The following PTPN21 variants were observed in gnomAD, a reference collection of about 807,000 sequenced individuals.
PTPN21 encodes the protein protein tyrosine phosphatase non-receptor type 21, also known as tyrosine-protein phosphatase non-receptor type 21.
PTPN21 carries 77 observed loss-of-function variants against 131.8 expected under a neutral mutation model. The observed-to-expected ratio is 0.58, with a 90% CI of 0.49 to 0.71. The LOEUF (loss-of-function observed/expected upper bound fraction) is 0.71. Ranked by LOEUF, PTPN21 falls within the 30% of genes least tolerant of loss-of-function variation. PTPN21 has a pLI of 0.00. For synonymous variants in PTPN21, 715 were observed against 621.3 expected (o/e 1.15, Z -2.24); for missense variants, 1,552 against 1,527.1 (o/e 1.02, Z -0.27).
Position 88,550,509 on chromosome 14 carries a change from CGGATG to C in PTPN21, c.-97_-93del, listed in dbSNP as rs2078849814. The C allele has an allele frequency of 7.9e-7, 1 of 1,270,062 alleles. No individual in the cohort carries two copies. The highest frequency in any genetic ancestry group is 1.1e-6 in the Non-Finnish European group (1 of 917,718). The allele number at this position is 1,270,062 out of a possible 1,614,324, so 78.7% of individuals were successfully genotyped here. A position where few individuals can be genotyped will look rare whatever the true frequency, so the allele number is the denominator to read the frequency against. On this transcript the variant is annotated 5_prime_UTR_variant, in exon 2 of 19. Coordinates refer to ENST00000556564, the MANE Select transcript of PTPN21 (RefSeq NM_007039.4). ...GACGCCAGGAGAAAGCGATCCTCTC[CGGATG>C]GGACGAACACTGTCCGGCCTCCAGC... is the stretch of plus-strand genomic sequence containing the variant.
intron 2 of PTPN21, among the ~76,000 whole-genome samples, chr14:88,538,204 G>T (rs958555063): frequency 3.3e-5 from 5 of 152,144 alleles, no homozygotes; most frequent in African/African-American, 7.2e-5. Flanking sequence ...TTATTCTTCA[G>T]TCACAGCCTG....
chr14:88,536,875 G>A (rs1006394054), intron 2 of PTPN21, among the ~76,000 whole-genome samples: 1 of 152,156 alleles, frequency 6.6e-6, no homozygotes, highest in Non-Finnish European at 1.5e-5. Context: ...CCCGGGAAGA[G>A]ATCATCTAAC....
chr14:88,508,625 T>TA (rs1185788340), intron 3 of PTPN21, among the ~76,000 whole-genome samples: 2 of 152,220 alleles, frequency 1.3e-5, no homozygotes, highest in Admixed American at 6.5e-5. Context: ...AATTTCTTTT[T>TA]AGTTGGAGAA....
intron 2 of PTPN21, among the ~76,000 whole-genome samples, chr14:88,541,682 T>C (rs1436033582): frequency 2.0e-5 from 3 of 152,086 alleles, no homozygotes; most frequent in Non-Finnish European, 4.4e-5. Flanking sequence ...CACTGAGCAA[T>C]GAATGGCCCT....
intron 3 of PTPN21, chr14:88,515,393 G>T (rs924299768): frequency 1.3e-5 from 2 of 152,084 alleles, no homozygotes; most frequent in Non-Finnish European, 2.9e-5. Flanking sequence ...TCCTAAACTG[G>T]TGTCCTGCCT....
At position 88,540,353 on chromosome 14, in the gene PTPN21, T is replaced by C. The variant is rs190725799; in HGVS notation, c.180+9885A>G. Among the ~76,000 whole-genome samples, 23 of 152,318 alleles carry C rather than the reference T, an allele frequency of 1.5e-4. No homozygotes were observed. The East Asian group carries it at 2.7e-3, about 18-fold the overall frequency. ...TATGTAAAGCAACTAGCACAGGGCATGGAATATGGTCAGTACCCAATGCAG... is the reference window on the plus strand; with the variant it reads ...TATGTAAAGCAACTAGCACAGGGCACGGAATATGGTCAGTACCCAATGCAG... On this transcript the variant is annotated intron_variant, in intron 2 of 18. Coordinates refer to ENST00000556564, the MANE Select transcript of PTPN21 (RefSeq NM_007039.4).
intron 2 of PTPN21, among the ~76,000 whole-genome samples, chr14:88,529,024 G>C (rs1474837304): frequency 6.6e-6 from 1 of 152,184 alleles, no homozygotes; most frequent in African/African-American, 2.4e-5. Context: ...TTGAAGAGAA[G>C]TGGTGAAAGT....
rs114124389 is a variant in PTPN21, at chr14:88,486,622, T to C, written c.933-780A>G. ...CACAAGACTTGGTTCAGTGAGCCGA[T>C]GGTAAACCCATTTACCTTTCTTTGC... On this transcript the variant is annotated intron_variant, in intron 10 of 18. Transcript: ENST00000556564. Among the ~76,000 whole-genome samples, 738 of 152,296 alleles carry C rather than the reference T, an allele frequency of 4.8e-3. 4 individuals are homozygous for C. Among genetic ancestry groups the C allele is most frequent in the African/African-American group, 0.016 (673 of 41,544 alleles).
intron 10 of PTPN21, chr14:88,492,948 A>AT (rs1215196386): frequency 2.6e-6 from 1 of 378,488 alleles, no homozygotes; most frequent in Admixed American, 3.3e-5. Flanking sequence ...AGAGAGACAG[A>AT]TCAAATGAAA....
intron 3 of PTPN21, 21 bp from the exon 4 acceptor site, chr14:88,508,041 A>G (rs1274762731): frequency 3.7e-6 from 5 of 1,347,602 alleles, no homozygotes; most frequent in Non-Finnish European, 5.3e-6. Context: ...TGTCAGTTGT[A>G]TAAGGTCAAT....
At chr14:88,487,965 C>CAAAAAAAAAAAA (rs535857551) in intron 10 of PTPN21, among the ~76,000 whole-genome samples, 1 of 92,520 alleles carries the variant, frequency 1.1e-5, no homozygotes, top group South Asian at 3.5e-4. Context: ...GACTCCATCT[C>CAAAAAAAAAAAA]AAAAAAAAAA....
intron 14 of PTPN21, among the ~76,000 whole-genome samples, 158 bp downstream of exon 14, chr14:88,473,507 C>T (rs1370582824): frequency 6.6e-6 from 1 of 152,174 alleles, no homozygotes; most frequent in African/African-American, 2.4e-5. Context: ...ATTAGCTATA[C>T]ATTTGCCCCA....
At chr14:88,550,993 G>T (rs1039582525) in intron 1 of PTPN21, among the ~76,000 whole-genome samples, 5 of 152,142 alleles carry the variant, frequency 3.3e-5, no homozygotes, top group African/African-American at 1.2e-4. Flanking sequence ...AAATGTCAGA[G>T]TTCTTTAGTC....
At chr14:88,530,007 A>C (rs2078532739) in intron 2 of PTPN21, among the ~76,000 whole-genome samples, 2 of 151,912 alleles carry the variant, frequency 1.3e-5, no homozygotes, top group South Asian at 4.2e-4. Context: ...GAAAAAGAAG[A>C]ATCTTAGGAG....
chr14:88,489,397 T>C (rs11847807), intron 10 of PTPN21, among the ~76,000 whole-genome samples: 8,197 of 152,114 alleles, frequency 0.054, 260 homozygotes, highest in African/African-American at 0.09. Flanking sequence ...CCCAGGTACT[T>C]AGGAGGCTGA....
chr14:88,541,337 T>C (rs1272982236), intron 2 of PTPN21, among the ~76,000 whole-genome samples: 2 of 152,224 alleles, frequency 1.3e-5, no homozygotes, highest in African/African-American at 2.4e-5. Context: ...AACAAATTGC[T>C]CAGAGAACTG....
rs2077412463 is a variant in PTPN21, at chr14:88,469,081, G to A, written c.3236-5C>T. On this transcript the variant is annotated splice_polypyrimidine_tract_variant and splice_region_variant and intron_variant, in intron 17 of 18. Coordinates refer to ENST00000556564, the MANE Select transcript of PTPN21 (RefSeq NM_007039.4). This position sits in a 1 kb window ranked among gnomAD's most constrained non-coding sequence, Gnocchi z 4.3. Reference sequence around the variant, plus strand: ...ACTGGATCTCTTCAAGATATGCTGTGGAAAATCAATGAAATAGAAAAGTAC... The same window carrying A: ...ACTGGATCTCTTCAAGATATGCTGTAGAAAATCAATGAAATAGAAAAGTAC... The A allele has an allele frequency of 6.2e-7, 1 of 1,603,252 alleles. No individual in the cohort carries two copies. The highest frequency in any genetic ancestry group is 8.5e-7 in the Non-Finnish European group (1 of 1,172,302).
At position 88,504,496 on chromosome 14, in the gene PTPN21, C is replaced by T. The variant is rs2078058524; in HGVS notation, c.517-1G>A. 6.2e-7 allele frequency: 1 copy of T among 1,611,336 alleles called. No homozygotes were observed. Among genetic ancestry groups the T allele is most frequent in the African/African-American group, 1.3e-5 (1 of 74,844 alleles). On this transcript the variant is annotated splice_acceptor_variant, in intron 5 of 18. Coordinates refer to ENST00000556564, the MANE Select transcript of PTPN21 (RefSeq NM_007039.4). LOFTEE classifies it high-confidence loss of function. ...ATACTTTTTCATCTTGTAACCATCCCTGAAGAAAACACACAGTGGTAAGTA... is the reference window on the plus strand; with the variant it reads ...ATACTTTTTCATCTTGTAACCATCCTTGAAGAAAACACACAGTGGTAAGTA...
Position 88,469,399 on chromosome 14 carries a change from A to T in PTPN21, c.3235+100T>A. 1 of 1,062,154 alleles carries T rather than the reference A, an allele frequency of 9.4e-7. No homozygotes were observed. Among genetic ancestry groups the T allele is most frequent in the Non-Finnish European group, 1.4e-6 (1 of 720,060 alleles). The allele number at this position is 1,062,154 out of a possible 1,614,324, so 65.8% of individuals were successfully genotyped here. On this transcript the variant is annotated intron_variant, in intron 17 of 18. Coordinates refer to ENST00000556564, the MANE Select transcript of PTPN21 (RefSeq NM_007039.4). The surrounding 1 kb of genome is among the most constrained non-coding windows in gnomAD (Gnocchi z 4.3). ...ATGTTAAAACAAGTCCGAAGCTTATATGAGATAACATAAAGGAAATATTTC... is the reference window on the plus strand; with the variant it reads ...ATGTTAAAACAAGTCCGAAGCTTATTTGAGATAACATAAAGGAAATATTTC...
Sources: gnomAD v4.1 joint callset for allele counts (sites outside exome capture counted in the v4.1 genomes callset) on GRCh38, gnomAD v4.1.1 for gene constraint, Gnocchi (gnomAD v3.1) non-coding constraint, MANE v1.5 for transcripts, NCBI Gene and HGNC (gene_info 2026-07-23, HGNC 2026-07-21) for gene names.